The following MYH16 variants were observed in gnomAD, a reference collection of about 807,000 sequenced individuals.
MYH16 encodes myosin heavy chain 16, also known as putative uncharacterized protein MYH16.
At chr7:99,247,614 C>T (rs549077939) in exon 3 of MYH16, 7 of 187,268 alleles carry the variant, frequency 3.7e-5, no homozygotes, top group Middle Eastern at 6.3e-4. Context: ...GCTTGTTCTG[C>T]GTGACGGTCA....
intron 21 of MYH16, among the ~76,000 whole-genome samples, chr7:99,278,112 G>C (rs1372449323): frequency 6.6e-6 from 1 of 151,844 alleles, no homozygotes; most frequent in Non-Finnish European, 1.5e-5. Context: ...CACCATGCCT[G>C]GCTAATTTTT....
At chr7:99,240,228 T>G (rs970613099) in intron 1 of MYH16, among the ~76,000 whole-genome samples, 1 of 152,084 alleles carries the variant, frequency 6.6e-6, no homozygotes, top group African/African-American at 2.4e-5. Context: ...TTAGGTGACC[T>G]GTGTACGTTG....
intron 11 of MYH16, among the ~76,000 whole-genome samples, chr7:99,259,608 G>A (rs6465747): frequency 0.65 from 98,058 of 151,506 alleles, 37,978 homozygotes; most frequent in Non-Finnish European, 0.86. Flanking sequence ...ACAGGCGTGC[G>A]CCACCACGCT....
At chr7:99,304,636 C>T (rs1406432700) in exon 40 of MYH16, 1 of 152,850 alleles carries the variant, frequency 6.5e-6, no homozygotes, top group Non-Finnish European at 1.5e-5. Flanking sequence ...ACTGCATGCA[C>T]CTGGAGAAGA....
intron 1 of MYH16, chr7:99,243,134 CAG>C (rs1172386480): frequency 2.6e-5 from 4 of 152,566 alleles, no homozygotes; most frequent in Non-Finnish European, 5.9e-5. Flanking sequence ...CCAGGACACA[CAG>C]GGGGATGTGG....
chr7:99,306,017 A>G (rs1261808665), exon 41 of MYH16: 1 of 152,672 alleles, frequency 6.5e-6, no homozygotes, highest in East Asian at 1.9e-4. Flanking sequence ...AAGGTCTACA[A>G]GAGGCAGATT....
chr7:99,249,462 C>T (rs1203974065), intron 4 of MYH16, among the ~76,000 whole-genome samples: 1 of 150,104 alleles, frequency 6.7e-6, no homozygotes, highest in Non-Finnish European at 1.5e-5. Flanking sequence ...TTGCTTGAGC[C>T]CAGGAGGTTG....
chr7:99,252,244 T>C (rs1791817809), intron 6 of MYH16, among the ~76,000 whole-genome samples: 2 of 152,142 alleles, frequency 1.3e-5, no homozygotes, highest in Non-Finnish European at 2.9e-5. Flanking sequence ...CAGCACCACC[T>C]GAGACGCCAA....
chr7:99,295,852 A>AG (rs1447857317), intron 33 of MYH16, among the ~76,000 whole-genome samples: 1 of 148,926 alleles, frequency 6.7e-6, no homozygotes, highest in Non-Finnish European at 1.5e-5. Context: ...AAAAAAAAAA[A>AG]AAAAAAAGGC....
exon 29 of MYH16, chr7:99,287,934 C>T (rs569068257): frequency 3.1e-5 from 14 of 456,402 alleles, no homozygotes; most frequent in African/African-American, 1.8e-4. Flanking sequence ...GCTGAAGCTG[C>T]GGCGGGAGCT....
At chr7:99,246,250 G>T (rs1432914874) in intron 2 of MYH16, among the ~76,000 whole-genome samples, 2 of 149,052 alleles carry the variant, frequency 1.3e-5, no homozygotes, top group Non-Finnish European at 3.0e-5. Context: ...GAGAAAGAAA[G>T]AAAAAAACAG....
chr7:99,266,920 G>A, exon 18 of MYH16: 1 of 152,670 alleles, frequency 6.6e-6, no homozygotes, highest in Non-Finnish European at 1.5e-5. Context: ...CCTCAGAGCT[G>A]CTGCTTGCAG....
chr7:99,310,326 C>T (rs1043389056), downstream of MYH16, among the ~76,000 whole-genome samples: 1 of 152,154 alleles, frequency 6.6e-6, no homozygotes, highest in Non-Finnish European at 1.5e-5. Flanking sequence ...CCATAAACTC[C>T]ATAAGGAAAC....
chr7:99,287,710 A>C (rs1273539860), intron 28 of MYH16, 182 bp from the exon 10 acceptor site: 1 of 351,834 alleles, frequency 2.8e-6, no homozygotes, highest in Non-Finnish European at 5.6e-6. Context: ...TTAACACACA[A>C]CACCTCTAAA....
At chr7:99,256,846 G>T (rs1474149506) in intron 9 of MYH16, among the ~76,000 whole-genome samples, 2 of 149,634 alleles carry the variant, frequency 1.3e-5, no homozygotes, top group East Asian at 4.1e-4. Flanking sequence ...AGGTACCTGG[G>T]AGGCTAAAGT....
chr7:99,240,938 T>A (rs1791660445), intron 1 of MYH16, among the ~76,000 whole-genome samples: 1 of 151,926 alleles, frequency 6.6e-6, no homozygotes, highest in Non-Finnish European at 1.5e-5. Flanking sequence ...GGTAAAAAGA[T>A]ATAGTTGGGT....
intron 20 of MYH16, among the ~76,000 whole-genome samples, chr7:99,274,235 G>A (rs79182404): frequency 0.035 from 5,324 of 152,342 alleles, 109 homozygotes; most frequent in Middle Eastern, 0.1. Flanking sequence ...ACCAAGGCAG[G>A]AGGCCACCAG....
At chr7:99,269,314 C>T (rs907710367) in intron 18 of MYH16, among the ~76,000 whole-genome samples, 3 of 149,784 alleles carry the variant, frequency 2.0e-5, no homozygotes, top group Admixed American at 6.7e-5. Flanking sequence ...CTTGCTCTGT[C>T]GCCCAGGCTG....
At chr7:99,290,722 G>A (rs936662202) in intron 30 of MYH16, among the ~76,000 whole-genome samples, 2 of 150,532 alleles carry the variant, frequency 1.3e-5, no homozygotes, top group African/African-American at 4.9e-5. Flanking sequence ...AGAATCACTC[G>A]AACCCGGAAG....
Sources: gnomAD v4.1 joint callset for allele counts (sites outside exome capture counted in the v4.1 genomes callset) on GRCh38, gnomAD v4.1.1 for gene constraint, MANE v1.5 for transcripts, NCBI Gene and HGNC (gene_info 2026-07-23, HGNC 2026-07-21) for gene names.